The following MARK3 variants were observed in gnomAD, a reference collection of about 807,000 sequenced individuals.
MARK3 encodes microtubule affinity regulating kinase 3.
Under a neutral mutation model 90.1 loss-of-function variants are expected in MARK3, and 46 were observed. That is an observed-to-expected ratio of 0.51 (90% CI 0.40 to 0.65). The LOEUF is 0.65. Ranked by LOEUF, MARK3 falls within the 30% of genes least tolerant of loss-of-function variation. The pLI is 0.00. For synonymous variants in MARK3, 321 were observed against 332.6 expected (o/e 0.97, Z 0.38); for missense variants, 818 against 947.2 (o/e 0.86, Z 1.79).
rs182497639 is a variant in MARK3, at chr14:103,424,767, A to T, written c.244-3620A>T. On this transcript the variant is annotated intron_variant, in intron 2 of 17. Coordinates refer to ENST00000429436, the MANE Select transcript of MARK3 (RefSeq NM_001128918.3). ...CTAACGGTTTCATTGGAATTGGGAG[A>T]TCTAGGTATACCATGTAAAATTACT... Among the ~76,000 whole-genome samples, 109 of 152,234 alleles carry T rather than the reference A, an allele frequency of 7.2e-4. 1 individual carries two copies. Among genetic ancestry groups the T allele is most frequent in the African/African-American group, 2.5e-3 (105 of 41,524 alleles).
intron 5 of MARK3, among the ~76,000 whole-genome samples, chr14:103,452,469 G>GTTTTTTTTTTTTTTTTTTT (rs1404035040): frequency 9.5e-5 from 8 of 84,172 alleles, no homozygotes; most frequent in Admixed American, 1.3e-4. Context: ...TACAGGATTT[G>GTTTTTTTTTTTTTTTTTTT]TCTTTTTTTT....
chr14:103,396,049 C>T (rs1484269435), intron 1 of MARK3, among the ~76,000 whole-genome samples: 1 of 152,182 alleles, frequency 6.6e-6, no homozygotes, highest in Non-Finnish European at 1.5e-5. Flanking sequence ...TGGCTTTCTG[C>T]TTTCTCTGCT....
intron 3 of MARK3, among the ~76,000 whole-genome samples, chr14:103,444,619 A>G (rs2092947116): frequency 6.6e-6 from 1 of 152,200 alleles, no homozygotes; most frequent in Admixed American, 6.5e-5. Flanking sequence ...TCTACTAAAA[A>G]TACAAAAATT....
In MARK3 at chr14:103,503,373, G is replaced by A. The variant is rs936226195; in HGVS notation, c.*146G>A. On this transcript the variant is annotated 3_prime_UTR_variant, in exon 18 of 18. Transcript: ENST00000429436. ...TGAGGACGAGAGCACGCCTGGGAGC[G>A]AAAGCTGGCCTTTTTTCTACGAATG... 2.9e-5 allele frequency: 22 copies of A among 758,174 alleles called. No homozygotes were observed. Among genetic ancestry groups the A allele is most frequent in the Admixed American group, 9.1e-5 (3 of 32,952 alleles). The allele number at this position is 758,174 out of a possible 1,614,324, so 47.0% of individuals were successfully genotyped here.
chr14:103,470,453 C>CAATTTTTT (rs1299534465), intron 12 of MARK3, among the ~76,000 whole-genome samples: 16 of 24,180 alleles, frequency 6.6e-4, no homozygotes, highest in African/African-American at 1.5e-3. Flanking sequence ...GGAACTAAAT[C>CAATTTTTT]TATTTTTTTT....
At chr14:103,392,577 T>G (rs188230680) in intron 1 of MARK3, among the ~76,000 whole-genome samples, 1 of 152,316 alleles carries the variant, frequency 6.6e-6, no homozygotes, top group African/African-American at 2.4e-5. Context: ...GAAGGCTTGC[T>G]AACTAAACTA....
chr14:103,484,515 A>G (rs574780175), intron 14 of MARK3, among the ~76,000 whole-genome samples: 2 of 152,330 alleles, frequency 1.3e-5, no homozygotes, highest in East Asian at 3.9e-4. Flanking sequence ...TATTACTGTA[A>G]AGTTTCAAAA....
intron 14 of MARK3, among the ~76,000 whole-genome samples, 174 bp downstream of exon 14, chr14:103,480,664 TTTG>T (rs1228822247): frequency 6.6e-6 from 1 of 152,228 alleles, no homozygotes; most frequent in Non-Finnish European, 1.5e-5. Flanking sequence ...CTAAATTCTT[TTTG>T]TTGTCCAGAG....
intron 12 of MARK3, 30 bp from the exon 13 acceptor site, chr14:103,474,963 G>A: frequency 6.5e-7 from 1 of 1,536,714 alleles, no homozygotes. Flanking sequence ...ACTATATTCA[G>A]TCATTTAAAA....
Position 103,470,015 on chromosome 14 carries a change from C to T in MARK3, c.1264+1829C>T, listed in dbSNP as rs983665801. 4.0e-5 allele frequency among the ~76,000 whole-genome samples: 6 copies of T among 148,932 alleles called. No homozygotes were observed. The East Asian group carries it at 7.9e-4, about 20-fold the overall frequency. On this transcript the variant is annotated intron_variant, in intron 12 of 17. Coordinates refer to ENST00000429436, the MANE Select transcript of MARK3 (RefSeq NM_001128918.3). ...GGCAGAGGTTGCAGTGAGCCAAGAT[C>T]GTGTGACTGCACTCCAGCCTAGTGA...
In MARK3 at chr14:103,466,011, C is replaced by A; in HGVS notation, c.817C>A (p.Pro273Thr). Residue 273 changes from proline (P) to threonine (T), a missense_variant, in exon 9 of 18, where the codon CCC becomes ACC. Pro to Thr is a conservative substitution (Grantham distance 38, BLOSUM62 -1). Around this residue, in one of 3 missense-constraint regions of MARK3, gnomAD observed 560 missense variants for 613.5 expected, o/e 0.91. Coordinates refer to ENST00000429436, the MANE Select transcript of MARK3 (RefSeq NM_001128918.3). ...ERVLRGKYRI[P>T]FYMSTDCENL... ...AGTATTAAGAGGGAAATACAGAATT[C>A]CCTTCTACATGTCTACAGACTGTGA... The A allele has an allele frequency of 6.2e-7, 1 of 1,613,852 alleles. No homozygotes were observed. The highest frequency in any genetic ancestry group is 8.5e-7 in the Non-Finnish European group (1 of 1,179,850).
intron 2 of MARK3, among the ~76,000 whole-genome samples, chr14:103,427,497 C>CAAAAAAAAAAAAAAAAA (rs71126021): frequency 2.7e-5 from 3 of 110,808 alleles, no homozygotes; most frequent in Non-Finnish European, 5.3e-5. Flanking sequence ...GAGACTGTTT[C>CAAAAAAAAAAAAAAAAA]AAAAAAAAAA....
chr14:103,447,532 T>G (rs1008734692), intron 3 of MARK3, among the ~76,000 whole-genome samples: 3 of 152,242 alleles, frequency 2.0e-5, no homozygotes, highest in Non-Finnish European at 4.4e-5. Flanking sequence ...CCGGACACAT[T>G]CCCCACAGAA....
intron 17 of MARK3, 96 bp from the exon 18 acceptor site, chr14:103,502,786 T>C (rs2075742646): frequency 1.1e-6 from 1 of 915,302 alleles, no homozygotes; most frequent in African/African-American, 1.7e-5. Context: ...AGTCGTTAGT[T>C]GTGTTGTATC....
At chr14:103,482,386 T>C (rs537210403) in intron 14 of MARK3, among the ~76,000 whole-genome samples, 11 of 152,048 alleles carry the variant, frequency 7.2e-5, no homozygotes, top group African/African-American at 2.7e-4. Flanking sequence ...CCATGTGTGG[T>C]GGCACGCGCC....
At chr14:103,400,031 C>T (rs371469645) in intron 1 of MARK3, among the ~76,000 whole-genome samples, 1 of 151,826 alleles carries the variant, frequency 6.6e-6, no homozygotes, top group African/African-American at 2.4e-5. Context: ...CTTGTTCAAG[C>T]GATTCTCATG....
chr14:103,503,192 A>G lies in MARK3; in HGVS notation c.2227A>G (p.Ile743Val). 6.2e-7 allele frequency: 1 copy of G among 1,611,468 alleles called. No individual in the cohort carries two copies. Among genetic ancestry groups the G allele is most frequent in the Non-Finnish European group, 8.5e-7 (1 of 1,177,750 alleles). The change falls in exon 18 of 18, where the codon ATT (isoleucine) becomes GTT (valine). Residue 743 changes from isoleucine to valine, a missense_variant. Ile to Val is a conservative substitution (Grantham distance 29). Transcript: ENST00000429436. Reference sequence around the variant, plus strand: ...GGGGACATCCATAGCCTTCAAAAATATTGCTTCCAAAATTGCCAATGAGCT... The same window carrying G: ...GGGGACATCCATAGCCTTCAAAAATGTTGCTTCCAAAATTGCCAATGAGCT... ...ISGTSIAFKNIASKIANELKL is the reference protein window; with the variant it reads ...ISGTSIAFKNVASKIANELKL
At chr14:103,476,508 A>G (rs2093717252) in intron 13 of MARK3, among the ~76,000 whole-genome samples, 1 of 136,742 alleles carries the variant, frequency 7.3e-6, no homozygotes, top group Non-Finnish European at 1.7e-5. Context: ...CAGTAAGTAG[A>G]TAATATTTAC....
At chr14:103,500,089 T>G (rs1429007075) in intron 16 of MARK3, 67 bp from the exon 17 acceptor site, 1 of 1,225,496 alleles carries the variant, frequency 8.2e-7, no homozygotes, top group Admixed American at 1.9e-5. Context: ...TTGGTGGTCA[T>G]GTACTGGCAT....
Sources: gnomAD v4.1 joint callset for allele counts (sites outside exome capture counted in the v4.1 genomes callset) on GRCh38, gnomAD v4.1.1 for gene constraint, gnomAD v4.1.1 regional missense constraint, MANE v1.5 for transcripts, NCBI Gene and HGNC (gene_info 2026-07-23, HGNC 2026-07-21) for gene names.